GPC6: variants seen among roughly 807,000 people sequenced by gnomAD.
GPC6 encodes the protein glypican 6, also known as glypican-6.
GPC6 carries 14 observed loss-of-function variants against 55.2 expected under a neutral mutation model. The ratio of observed to expected loss-of-function variants is 0.25; its 90% CI spans 0.17 to 0.40. The LOEUF is 0.40. Among genes scored for constraint, GPC6 ranks in the 10% least tolerant of loss-of-function variants. GPC6 has a pLI of 1.00. For synonymous variants in GPC6, 278 were observed against 259.6 expected (o/e 1.07, Z -0.68); for missense variants, 641 against 708.5 (o/e 0.90, Z 1.08).
intron 2 of GPC6, among the ~76,000 whole-genome samples, chr13:93,557,852 T>G (rs189672169): frequency 1.3e-5 from 2 of 152,338 alleles, no homozygotes; most frequent in Admixed American, 1.3e-4. Flanking sequence ...TGGTATTTTT[T>G]TTCTTCCAAT....
intron 1 of GPC6, among the ~76,000 whole-genome samples, chr13:93,469,284 G>A (rs976627772): frequency 2.6e-5 from 4 of 151,868 alleles, no homozygotes; most frequent in Non-Finnish European, 4.4e-5. Context: ...TACTTCAAGT[G>A]GTTTTTGTCA....
At chr13:94,189,992 G>A (rs1264160159) in intron 4 of GPC6, among the ~76,000 whole-genome samples, 1 of 150,162 alleles carries the variant, frequency 6.7e-6, no homozygotes, top group Non-Finnish European at 1.5e-5. Context: ...CTGCACCCCA[G>A]CCTGGGAGAC....
At chr13:93,307,333 A>G (rs1177545073) in intron 1 of GPC6, among the ~76,000 whole-genome samples, 1 of 152,130 alleles carries the variant, frequency 6.6e-6, no homozygotes, top group Non-Finnish European at 1.5e-5. Flanking sequence ...GTATATATTA[A>G]TATATCATTA....
At chr13:93,921,673 A>C (rs1877581169) in intron 3 of GPC6, among the ~76,000 whole-genome samples, 1 of 151,064 alleles carries the variant, frequency 6.6e-6, no homozygotes, top group African/African-American at 2.4e-5. Context: ...TTGTCGGCTC[A>C]TGGAGCCTGG....
At chr13:93,268,639 G>T (rs2139049880) in intron 1 of GPC6, among the ~76,000 whole-genome samples, 1 of 152,252 alleles carries the variant, frequency 6.6e-6, no homozygotes, top group Middle Eastern at 3.4e-3. Flanking sequence ...TTTTATGTTA[G>T]TGCTGTTTGC....
chr13:93,534,841 T>G (rs964557835), intron 1 of GPC6, among the ~76,000 whole-genome samples: 1 of 152,136 alleles, frequency 6.6e-6, no homozygotes, highest in African/African-American at 2.4e-5. Context: ...ATTTACAGTT[T>G]CTCTTTTTTA....
intron 5 of GPC6, among the ~76,000 whole-genome samples, chr13:94,304,563 T>G (rs1366749789): frequency 2.0e-5 from 3 of 152,086 alleles, no homozygotes. Context: ...TCTAGAAAAA[T>G]CATCTGCTAT....
At chr13:94,343,798 C>A (rs1464080122) in intron 6 of GPC6, among the ~76,000 whole-genome samples, 1 of 152,128 alleles carries the variant, frequency 6.6e-6, no homozygotes, top group African/African-American at 2.4e-5. Context: ...GGTGCAATCA[C>A]AGCTCACTGC....
At chr13:94,218,919 C>T (rs1890301678) in intron 4 of GPC6, among the ~76,000 whole-genome samples, 1 of 152,114 alleles carries the variant, frequency 6.6e-6, no homozygotes, top group African/African-American at 2.4e-5. Flanking sequence ...AAGGTGGTTA[C>T]TCTGGAAGAC....
At chr13:93,506,820 C>T (rs1201152059) in intron 1 of GPC6, among the ~76,000 whole-genome samples, 4 of 145,502 alleles carry the variant, frequency 2.7e-5, no homozygotes, top group South Asian at 2.2e-4. Context: ...GTGGGCGGAT[C>T]GCGATGTCAG....
chr13:94,089,750 A>G (rs985696262), intron 4 of GPC6, among the ~76,000 whole-genome samples: 1 of 152,174 alleles, frequency 6.6e-6, no homozygotes, highest in Non-Finnish European at 1.5e-5. Context: ...GAATGTGTCC[A>G]TTGGGTGACT....
rs940496238 is a variant in GPC6, at chr13:93,708,541, C to T, written c.320-121613C>T. Among the ~76,000 whole-genome samples the T allele has an allele frequency of 5.9e-5, 9 of 151,784 alleles. No homozygotes were observed. In the East Asian group the frequency reaches 1.8e-3, roughly 30 times the overall value. On this transcript the variant is annotated intron_variant, in intron 2 of 8. Transcript: ENST00000377047. ...TTTTGCTGTTATCCTCTGATATTCA[C>T]TTACTGAAGATTGTGTTGTTTTTAA...
intron 3 of GPC6, among the ~76,000 whole-genome samples, chr13:93,841,799 T>C (rs997604084): frequency 6.6e-6 from 1 of 152,210 alleles, no homozygotes; most frequent in Non-Finnish European, 1.5e-5. Flanking sequence ...GCAGTGGATT[T>C]TATATGGAAA....
chr13:93,698,269 T>C (rs1882529858), intron 2 of GPC6, among the ~76,000 whole-genome samples: 1 of 152,144 alleles, frequency 6.6e-6, no homozygotes, highest in African/African-American at 2.4e-5. Context: ...GAATGGCTTA[T>C]TGTTTGTAGT....
chr13:94,390,229 C>T (rs556599441), intron 7 of GPC6, among the ~76,000 whole-genome samples: 7 of 152,118 alleles, frequency 4.6e-5, no homozygotes, highest in African/African-American at 7.2e-5. Context: ...AGTGACTTGG[C>T]CGTCTTGAGG....
intron 3 of GPC6, among the ~76,000 whole-genome samples, chr13:93,931,383 A>G (rs573953248): frequency 6.7e-6 from 1 of 150,118 alleles, no homozygotes; most frequent in African/African-American, 2.4e-5. Flanking sequence ...GAAGGCATGG[A>G]TTCGGTTCCA....
chr13:93,442,597 T>C (rs1251899838), intron 1 of GPC6, among the ~76,000 whole-genome samples: 2 of 152,218 alleles, frequency 1.3e-5, no homozygotes, highest in Non-Finnish European at 2.9e-5. Flanking sequence ...GGAGCTTAAG[T>C]CCATGTGTTT....
intron 2 of GPC6, among the ~76,000 whole-genome samples, chr13:93,813,469 T>A (rs1886758746): frequency 6.6e-6 from 1 of 152,120 alleles, no homozygotes; most frequent in Non-Finnish European, 1.5e-5. Context: ...GCTTTAGATG[T>A]TTTTCCAGCT....
At chr13:94,252,491 C>T (rs1223133405) in intron 4 of GPC6, among the ~76,000 whole-genome samples, 2 of 152,010 alleles carry the variant, frequency 1.3e-5, no homozygotes, top group Non-Finnish European at 2.9e-5. Flanking sequence ...TTCACTAAAG[C>T]TAAACTAATA....
Sources: gnomAD v4.1 joint callset for allele counts (sites outside exome capture counted in the v4.1 genomes callset) on GRCh38, gnomAD v4.1.1 for gene constraint, MANE v1.5 for transcripts, NCBI Gene and HGNC (gene_info 2026-07-23, HGNC 2026-07-21) for gene names.